ZEB1: variants seen among roughly 807,000 people sequenced by gnomAD.
ZEB1 encodes the protein zinc finger E-box binding homeobox 1, also known as zinc finger E-box-binding homeobox 1.
A neutral mutation model predicts 84.9 loss-of-function variants in ZEB1; 21 were observed. The observed-to-expected ratio is 0.25, with a 90% CI of 0.18 to 0.36. ZEB1 has a LOEUF of 0.36. Ranked by LOEUF, ZEB1 falls within the 10% of genes least tolerant of loss-of-function variation. The probability of loss-of-function intolerance (pLI) is 1.00; values close to 1 mark genes in which losing one functional copy is unlikely to be tolerated. For synonymous variants in ZEB1, 420 were observed against 471.1 expected (o/e 0.89, Z 1.41); for missense variants, 1,104 against 1,330.2 (o/e 0.83, Z 2.65).
intron 4 of ZEB1, among the ~76,000 whole-genome samples, chr10:31,505,861 T>TG (rs386361744): frequency 1.9e-5 from 1 of 52,288 alleles, no homozygotes; most frequent in Non-Finnish European, 1.4e-4. Context: ...GAAATGTTTC[T>TG]ATTTTTTGTT....
intron 1 of ZEB1, among the ~76,000 whole-genome samples, chr10:31,325,611 T>C (rs549237791): frequency 6.6e-6 from 1 of 152,184 alleles, no homozygotes; most frequent in Admixed American, 6.5e-5. Flanking sequence ...GTGCTGAAAT[T>C]ATTCATAACA....
chr10:31,460,746 C>T (rs1219986311), intron 1 of ZEB1, among the ~76,000 whole-genome samples: 8 of 152,114 alleles, frequency 5.3e-5, no homozygotes, highest in Non-Finnish European at 1.2e-4. Context: ...TGGTAGAACT[C>T]TTATTTCATA....
At chr10:31,432,677 C>T (rs1175057689) in intron 1 of ZEB1, among the ~76,000 whole-genome samples, 2 of 152,166 alleles carry the variant, frequency 1.3e-5, no homozygotes, top group East Asian at 3.9e-4. Context: ...ATGCTTGTCT[C>T]AGGAACCCTT....
intron 2 of ZEB1, among the ~76,000 whole-genome samples, chr10:31,469,477 T>C (rs2062891731): frequency 1.3e-5 from 2 of 152,122 alleles, no homozygotes. Flanking sequence ...ATCGGGTCAC[T>C]CCCACCCGAA....
At chr10:31,418,251 A>G (rs1345743345) in intron 1 of ZEB1, among the ~76,000 whole-genome samples, 2 of 151,944 alleles carry the variant, frequency 1.3e-5, no homozygotes, top group Non-Finnish European at 2.9e-5. Flanking sequence ...AGAGGCAAGC[A>G]GCAGACAAGA....
intron 2 of ZEB1, among the ~76,000 whole-genome samples, chr10:31,475,244 C>CCCTAAAACTTAAAGTATAATAGTAAA (rs1241384171): frequency 6.6e-6 from 1 of 150,910 alleles, no homozygotes; most frequent in African/African-American, 2.4e-5. Flanking sequence ...TTAACCCAAT[C>CCCTAAAACTTAAAGTATAATAGTAAA]AGACAAAAAA....
At chr10:31,341,911 A>G (rs2039442920) in intron 1 of ZEB1, among the ~76,000 whole-genome samples, 1 of 152,208 alleles carries the variant, frequency 6.6e-6, no homozygotes. Context: ...TCAGAATGTA[A>G]CATTAGTCTA....
At chr10:31,321,464 T>C in intron 1 of ZEB1, 1 of 1,614,034 alleles carries the variant, frequency 6.2e-7, no homozygotes, top group Non-Finnish European at 8.5e-7. Context: ...TAATTTCCTG[T>C]TTTAGCGTCA....
intron 2 of ZEB1, among the ~76,000 whole-genome samples, chr10:31,465,734 C>A (rs1285079431): frequency 6.6e-6 from 1 of 151,722 alleles, no homozygotes; most frequent in Non-Finnish European, 1.5e-5. Flanking sequence ...TTGCTTTAGT[C>A]TCCTAAGTAG....
rs554997637 is a variant in ZEB1, at chr10:31,521,995, T to C, written c.2604+59T>C. On this transcript the variant is annotated intron_variant, in intron 7 of 8. Coordinates refer to ENST00000424869, the MANE Select transcript of ZEB1 (RefSeq NM_001174096.2). ...TAATATGCTATTTGACTAATTTCAA[T>C]TAACTTTGTCTAATAAATATCAGTC... The C allele has an allele frequency of 1.5e-5, 24 of 1,610,138 alleles. No individual in the cohort carries two copies. In the South Asian group the frequency reaches 2.7e-4, roughly 18 times the overall value.
In ZEB1 at chr10:31,521,281, C is replaced by T. The variant is rs370211218; in HGVS notation, c.1949C>T (p.Pro650Leu). ...TCTTCTGAACCATCTTCTCCTGAAC[C>T]AGGCAAAGTAAATATCCCTGCCAAG... ...VQSSEPSSPE[P>L]GKVNIPAKNN... The change falls in exon 7 of 9, where the codon CCA becomes CTA. Residue 650 changes from proline (P) to leucine (L), a missense_variant. Around this residue, in one of 7 missense-constraint regions of ZEB1, gnomAD observed 531 missense variants for 575.2 expected, o/e 0.92. Coordinates refer to ENST00000424869, the MANE Select transcript of ZEB1 (RefSeq NM_001174096.2). 4.3e-5 allele frequency: 69 copies of T among 1,614,044 alleles called. No homozygotes were observed. The African/African-American group carries it at 6.9e-4, about 16-fold the overall frequency.
intron 3 of ZEB1, among the ~76,000 whole-genome samples, chr10:31,496,253 A>G (rs2067221717): frequency 6.6e-6 from 1 of 152,120 alleles, no homozygotes; most frequent in African/African-American, 2.4e-5. Context: ...TAGAAAAAGC[A>G]TGGATTTATC....
chr10:31,454,091 A>G (rs1334006587), intron 1 of ZEB1, among the ~76,000 whole-genome samples: 3 of 152,238 alleles, frequency 2.0e-5, no homozygotes, highest in African/African-American at 7.2e-5. Context: ...CCTGGGATGC[A>G]AGGCTGGCTG....
intron 2 of ZEB1, among the ~76,000 whole-genome samples, chr10:31,476,720 T>A (rs1342829151): frequency 1.3e-5 from 2 of 152,122 alleles, no homozygotes; most frequent in African/African-American, 4.8e-5. Flanking sequence ...CAATCAAGTG[T>A]GTTTTATTTC....
chr10:31,435,861 A>G (rs565969819), intron 1 of ZEB1, among the ~76,000 whole-genome samples: 19 of 152,318 alleles, frequency 1.2e-4, no homozygotes, highest in African/African-American at 4.3e-4. Context: ...AATGGAAACA[A>G]GGGACCAATG....
chr10:31,469,412 G>A (rs1246966859), intron 2 of ZEB1, among the ~76,000 whole-genome samples: 5 of 152,206 alleles, frequency 3.3e-5, no homozygotes, highest in Non-Finnish European at 5.9e-5. Flanking sequence ...AGCGCAAGGG[G>A]TCAGGGAGTT....
intron 6 of ZEB1, among the ~76,000 whole-genome samples, chr10:31,515,519 T>C (rs1438175278): frequency 6.6e-6 from 1 of 152,134 alleles, no homozygotes; most frequent in Non-Finnish European, 1.5e-5. Flanking sequence ...ACACATTGCT[T>C]ATTTTGTGAA....
At chr10:31,477,856 T>C (rs2064458795) in intron 2 of ZEB1, among the ~76,000 whole-genome samples, 2 of 151,884 alleles carry the variant, frequency 1.3e-5, no homozygotes, top group Non-Finnish European at 2.9e-5. Context: ...TATTAAAAAA[T>C]TAACTCAAGA....
chr10:31,412,574 A>G (rs73260082), intron 1 of ZEB1, among the ~76,000 whole-genome samples: 9,786 of 152,188 alleles, frequency 0.064, 785 homozygotes, highest in African/African-American at 0.18. Context: ...CCATGTCCCT[A>G]CAGAGGACGT....
Sources: allele counts gnomAD v4.1 joint callset (sites outside exome capture counted in the v4.1 genomes callset), GRCh38; gene constraint gnomAD v4.1.1; regional missense constraint gnomAD v4.1.1; transcripts MANE v1.5; gene names NCBI Gene and HGNC (gene_info 2026-07-23, HGNC 2026-07-21).